LRRIQ1: variants seen among roughly 807,000 people sequenced by gnomAD.
LRRIQ1 encodes leucine rich repeats and IQ motif containing 1, also known as leucine-rich repeat- and IQ domain-containing protein 1.
LRRIQ1 carries 210 observed loss-of-function variants against 211.9 expected under a neutral mutation model. That is an observed-to-expected ratio of 0.99 (90% CI 0.89 to 1.11). The LOEUF (loss-of-function observed/expected upper bound fraction) is 1.11. LRRIQ1 is among the 50% of genes most tolerant of loss of function. The probability of loss-of-function intolerance (pLI) is 0.00; values close to 1 mark genes in which losing one functional copy is unlikely to be tolerated. For synonymous variants in LRRIQ1, 699 were observed against 650.1 expected, an observed-to-expected ratio of 1.08 and a Z score of -1.14; for missense variants, 2,136 against 1,939.5, an observed-to-expected ratio of 1.10 and a Z score of -1.90.
intron 15 of LRRIQ1, among the ~76,000 whole-genome samples, chr12:85,114,860 A>G (rs183544380): frequency 6.6e-6 from 1 of 152,300 alleles, no homozygotes; most frequent in African/African-American, 2.4e-5. Flanking sequence ...ATATGGATTT[A>G]TTAATCAAAG....
At chr12:85,164,173 A>C (rs1357773912) in intron 24 of LRRIQ1, among the ~76,000 whole-genome samples, 1 of 152,170 alleles carries the variant, frequency 6.6e-6, no homozygotes. Flanking sequence ...TTATTGCCTT[A>C]AAGATCTGCA....
chr12:85,060,639 T>C (rs1295996910), intron 8 of LRRIQ1, among the ~76,000 whole-genome samples: 1 of 151,946 alleles, frequency 6.6e-6, no homozygotes, highest in Non-Finnish European at 1.5e-5. Flanking sequence ...TTCAAACCAC[T>C]AATCAAACCT....
At chr12:85,053,124 T>C (rs1592704019) in intron 7 of LRRIQ1, among the ~76,000 whole-genome samples, 1 of 151,320 alleles carries the variant, frequency 6.6e-6, no homozygotes, top group South Asian at 2.1e-4. Context: ...ATAGAAAATA[T>C]CCAAATTAAA....
intron 24 of LRRIQ1, among the ~76,000 whole-genome samples, chr12:85,198,883 TTA>T (rs1893152583): frequency 6.6e-6 from 1 of 152,140 alleles, no homozygotes; most frequent in Non-Finnish European, 1.5e-5. Context: ...TAAGCATTTT[TTA>T]TATGTTTGTT....
chr12:85,217,728 G>C (rs1331093656), intron 24 of LRRIQ1, among the ~76,000 whole-genome samples: 1 of 143,592 alleles, frequency 7.0e-6, no homozygotes, highest in Non-Finnish European at 1.5e-5. Context: ...ATGTATATAT[G>C]TGTATATATA....
chr12:85,102,951 A>ATAT (rs1565834052), intron 13 of LRRIQ1, among the ~76,000 whole-genome samples: 54 of 116,786 alleles, frequency 4.6e-4, no homozygotes, highest in African/African-American at 1.7e-3. Context: ...TGGCAAAAAA[A>ATAT]AAAAAAAAAT....
intron 25 of LRRIQ1, among the ~76,000 whole-genome samples, chr12:85,231,499 A>G (rs948859356): frequency 6.6e-6 from 1 of 152,148 alleles, no homozygotes; most frequent in Non-Finnish European, 1.5e-5. Flanking sequence ...TGTTGCTATA[A>G]CAGAATAGCT....
chr12:85,066,438 A>G (rs976663706), intron 9 of LRRIQ1, among the ~76,000 whole-genome samples: 2 of 151,916 alleles, frequency 1.3e-5, no homozygotes, highest in Admixed American at 1.3e-4. Flanking sequence ...GTTCTCATTC[A>G]AGATGAGAGA....
rs1444239274 is a variant in LRRIQ1, at chr12:85,056,178, A to G, written c.1385A>G (p.Gln462Arg). 2 of 1,581,454 alleles carry G rather than the reference A, an allele frequency of 1.3e-6. No homozygotes were observed. The highest frequency in any genetic ancestry group is 2.3e-5 in the East Asian group (1 of 44,344). The change falls in exon 8 of 27, where the codon CAA becomes CGA. Residue 462 changes from glutamine to arginine, a missense_variant. Physicochemically the swap from Gln to Arg is conservative, Grantham distance 43. Transcript: ENST00000393217. The stretch of plus-strand genomic sequence containing the variant: ...CAGACTATATTAAAAGAATCAATAC[A>G]AGTAAAGTTAAAAGAATCTATATCA... ...DRQTILKESI[Q>R]VKLKESISSQ...
rs1880413886 is a variant in LRRIQ1, at chr12:85,052,162, T to A, written c.679-15T>A. The A allele has an allele frequency of 7.4e-7, 1 of 1,342,798 alleles. No homozygotes were observed. Among genetic ancestry groups the A allele is most frequent in the Admixed American group, 2.2e-5 (1 of 44,550 alleles). 83.2% of individuals were successfully genotyped at this position (1,342,798 alleles called of 1,614,324 possible). ...TATTTGAGTATAGTCATATTTATTA[T>A]TATCATATGTTCAGCAAGAACAGGA... On this transcript the variant is annotated splice_polypyrimidine_tract_variant and intron_variant, in intron 6 of 26. Transcript: ENST00000393217.
chr12:85,157,366 T>TA (rs1383797594), intron 23 of LRRIQ1, among the ~76,000 whole-genome samples: 1 of 151,952 alleles, frequency 6.6e-6, no homozygotes, highest in African/African-American at 2.4e-5. Context: ...TATCATTACT[T>TA]ATACAGTTTA....
intron 7 of LRRIQ1, among the ~76,000 whole-genome samples, chr12:85,053,535 G>A (rs915896076): frequency 6.6e-6 from 1 of 152,158 alleles, no homozygotes; most frequent in Non-Finnish European, 1.5e-5. Flanking sequence ...AAAAACGTAA[G>A]TATTCAATGA....
chr12:85,044,089 A>G (rs1455711484), intron 3 of LRRIQ1, among the ~76,000 whole-genome samples: 1 of 152,100 alleles, frequency 6.6e-6, no homozygotes, highest in Non-Finnish European at 1.5e-5. Context: ...AAGAAAATCT[A>G]TAATATCTGA....
intron 1 of LRRIQ1, among the ~76,000 whole-genome samples, chr12:85,258,554 A>C (rs1486768961): frequency 6.6e-6 from 1 of 151,908 alleles, no homozygotes; most frequent in Non-Finnish European, 1.5e-5. Flanking sequence ...TGATTATTAT[A>C]ATTCAAGCTT....
intron 24 of LRRIQ1, among the ~76,000 whole-genome samples, chr12:85,187,037 T>C (rs181416820): frequency 1.1e-4 from 16 of 152,298 alleles, no homozygotes; most frequent in African/African-American, 3.8e-4. Flanking sequence ...AAAATTAATG[T>C]ACTGTAAAGG....
chr12:85,204,290 G>A (rs1026389515), intron 24 of LRRIQ1, among the ~76,000 whole-genome samples: 7 of 152,182 alleles, frequency 4.6e-5, no homozygotes, highest in African/African-American at 1.7e-4. Flanking sequence ...TACAGAGACA[G>A]GGCTCTCATG....
At chr12:85,258,464 A>C (rs1896188704) in intron 1 of LRRIQ1, among the ~76,000 whole-genome samples, 1 of 151,974 alleles carries the variant, frequency 6.6e-6, no homozygotes, top group African/African-American at 2.4e-5. Context: ...GAGGAAATCC[A>C]AATATGGTAT....
At chr12:85,120,918 G>A (rs1430757667) in intron 15 of LRRIQ1, among the ~76,000 whole-genome samples, 1 of 151,796 alleles carries the variant, frequency 6.6e-6, no homozygotes, top group Non-Finnish European at 1.5e-5. Flanking sequence ...CTTTTTCACA[G>A]CATTAGTTTT....
intron 1 of LRRIQ1, among the ~76,000 whole-genome samples, chr12:85,256,291 G>A (rs1035096195): frequency 3.3e-5 from 5 of 151,614 alleles, no homozygotes; most frequent in Admixed American, 6.6e-5. Context: ...ATACAGTAAA[G>A]CATGATGTTT....
Sources: gnomAD v4.1 joint callset for allele counts (sites outside exome capture counted in the v4.1 genomes callset) on GRCh38, gnomAD v4.1.1 for gene constraint, MANE v1.5 for transcripts, NCBI Gene and HGNC (gene_info 2026-07-23, HGNC 2026-07-21) for gene names.